TNR: variants seen among roughly 807,000 people sequenced by gnomAD.
TNR encodes the protein tenascin-R.
A neutral mutation model predicts 150.4 loss-of-function variants in TNR; 45 were observed. The ratio of observed to expected loss-of-function variants is 0.30; its 90% confidence interval spans 0.24 to 0.38. The LOEUF is 0.38. Ranked by LOEUF, TNR falls within the 10% of genes least tolerant of loss-of-function variation. TNR has a pLI of 1.00. For missense variants in TNR, 1,544 were observed against 1,759.1 expected (o/e 0.88, Z 2.19); for synonymous variants, 687 against 678.4 (o/e 1.01, Z -0.20).
intron 1 of TNR, among the ~76,000 whole-genome samples, chr1:175,680,975 T>C (rs1243106014): frequency 6.6e-6 from 1 of 152,160 alleles, no homozygotes; most frequent in Non-Finnish European, 1.5e-5. Context: ...TTTCCCCCTG[T>C]GCAAATGGGG....
chr1:175,495,751 T>C (rs531172927), intron 2 of TNR, among the ~76,000 whole-genome samples: 1 of 152,336 alleles, frequency 6.6e-6, no homozygotes, highest in African/African-American at 2.4e-5. Context: ...ACTTGTATAT[T>C]GAGGCAGAGT....
intron 1 of TNR, among the ~76,000 whole-genome samples, chr1:175,534,447 C>A (rs569386419): frequency 6.6e-6 from 1 of 152,230 alleles, no homozygotes; most frequent in African/African-American, 2.4e-5. Flanking sequence ...TTGTATCACA[C>A]CTCCTAGATT....
At chr1:175,668,203 A>G (rs183339400) in intron 1 of TNR, among the ~76,000 whole-genome samples, 26 of 152,316 alleles carry the variant, frequency 1.7e-4, no homozygotes, top group Non-Finnish European at 1.5e-5. Context: ...TACCCAAGAA[A>G]TTTGCTTGAG....
chr1:175,569,011 T>C (rs1571619336), intron 1 of TNR, among the ~76,000 whole-genome samples: 1 of 152,140 alleles, frequency 6.6e-6, no homozygotes, highest in East Asian at 1.9e-4. Context: ...CTACCTTCTA[T>C]GCAGGGACTG....
chr1:175,369,583 A>G (rs1651999909), intron 9 of TNR, among the ~76,000 whole-genome samples: 1 of 152,182 alleles, frequency 6.6e-6, no homozygotes, highest in African/African-American at 2.4e-5. Flanking sequence ...ATGCATTTTG[A>G]GGGGACTGTT....
At chr1:175,563,138 C>A (rs1661498297) in intron 1 of TNR, among the ~76,000 whole-genome samples, 1 of 152,222 alleles carries the variant, frequency 6.6e-6, no homozygotes, top group South Asian at 2.1e-4. Context: ...TGAAATACAT[C>A]TGACATGGTT....
intron 2 of TNR, among the ~76,000 whole-genome samples, chr1:175,447,561 GAA>G (rs975744757): frequency 2.6e-5 from 4 of 152,268 alleles, no homozygotes; most frequent in Admixed American, 1.3e-4. Flanking sequence ...TCAGCAAATT[GAA>G]AAGTCTTGGT....
At position 175,406,601 on chromosome 1, in the gene TNR, T is replaced by C; in HGVS notation, c.114A>G (p.Glu38=). The change falls in exon 3 of 23, where the codon GAA becomes GAG. Residue 38 remains glutamate, a synonymous_variant. Coordinates refer to ENST00000367674, the MANE Select transcript of TNR (RefSeq NM_003285.3). ...PSECQLEVTT[E]RVQRQSVEEE... Reference sequence around the variant, plus strand: ...CCTCCACTGACTGTCTCTGGACCCTTTCTGTGGTGACCTCCAGCTGACACT... The same window carrying C: ...CCTCCACTGACTGTCTCTGGACCCTCTCTGTGGTGACCTCCAGCTGACACT... The C allele has an allele frequency of 6.2e-7, 1 of 1,614,164 alleles. No individual in the cohort carries two copies. The highest frequency in any genetic ancestry group is 8.5e-7 in the Non-Finnish European group (1 of 1,180,030).
intron 2 of TNR, among the ~76,000 whole-genome samples, chr1:175,499,851 CCAGT>C (rs1339696541): frequency 6.6e-6 from 1 of 152,120 alleles, no homozygotes; most frequent in Non-Finnish European, 1.5e-5. Flanking sequence ...GCCTCTCCTC[CCAGT>C]CAATCTACTA....
chr1:175,358,220 C>T (rs1651418711), intron 15 of TNR, among the ~76,000 whole-genome samples: 1 of 152,146 alleles, frequency 6.6e-6, no homozygotes, highest in South Asian at 2.1e-4. Flanking sequence ...CATAGTAATG[C>T]TATCCCTTCT....
intron 1 of TNR, among the ~76,000 whole-genome samples, chr1:175,635,812 G>A (rs1328957430): frequency 6.6e-6 from 1 of 152,158 alleles, no homozygotes; most frequent in Non-Finnish European, 1.5e-5. Flanking sequence ...AGAGAAGAGA[G>A]TTAGCATTAC....
At chr1:175,459,465 T>C (rs891281784) in intron 2 of TNR, among the ~76,000 whole-genome samples, 6 of 152,206 alleles carry the variant, frequency 3.9e-5, no homozygotes, top group African/African-American at 1.2e-4. Context: ...TGCTCTCTAA[T>C]GTGAGGCCAA....
chr1:175,446,191 G>A (rs1347196632), intron 2 of TNR, among the ~76,000 whole-genome samples: 1 of 152,202 alleles, frequency 6.6e-6, no homozygotes, highest in Non-Finnish European at 1.5e-5. Context: ...CACAAACGAA[G>A]TTCTTGGTTT....
chr1:175,663,153 C>T (rs1665427941), intron 1 of TNR, among the ~76,000 whole-genome samples: 1 of 152,156 alleles, frequency 6.6e-6, no homozygotes, highest in Admixed American at 6.5e-5. Context: ...ATCCAGGAGC[C>T]ACAGAGACCT....
chr1:175,403,437 C>G lies in TNR; in HGVS notation c.679G>C (p.Gly227Arg). ...CACCGGAGTTCGGAACAGTCATCCC[C>G]GCTGTACTCGCTGTCACAGATGCAC... Reference protein sequence around the residue: ...GQCICDSEYSGDDCSELRCPT... With the variant: ...GQCICDSEYSRDDCSELRCPT... Residue 227 changes from glycine to arginine, a missense_variant, in exon 4 of 23, where the codon GGG (glycine) becomes CGG (arginine). Coordinates refer to ENST00000367674, the MANE Select transcript of TNR (RefSeq NM_003285.3). 6.2e-7 allele frequency: 1 copy of G among 1,614,204 alleles called. No individual in the cohort carries two copies. Among genetic ancestry groups the G allele is most frequent in the Non-Finnish European group, 8.5e-7 (1 of 1,180,044 alleles).
intron 2 of TNR, among the ~76,000 whole-genome samples, chr1:175,522,498 C>T (rs1014406587): frequency 1.3e-5 from 2 of 152,130 alleles, no homozygotes; most frequent in Admixed American, 6.5e-5. Context: ...CACAAATCAC[C>T]ACTAAAGAAC....
intron 1 of TNR, among the ~76,000 whole-genome samples, chr1:175,553,121 T>C (rs947908464): frequency 1.3e-5 from 2 of 152,194 alleles, no homozygotes; most frequent in East Asian, 3.9e-4. Flanking sequence ...TATTTTAATC[T>C]TTTGATTTAT....
chr1:175,464,753 A>C (rs970244866), intron 2 of TNR, among the ~76,000 whole-genome samples: 4 of 152,216 alleles, frequency 2.6e-5, no homozygotes, highest in African/African-American at 9.6e-5. Flanking sequence ...TGCTCGTTCT[A>C]ATAGATAACA....
In TNR at chr1:175,320,219, G is replaced by A. The variant is rs1023445781; in HGVS notation, c.*3138C>T. 3 of 152,290 alleles carry A rather than the reference G, an allele frequency of 2.0e-5. No homozygotes were observed. Among genetic ancestry groups the A allele is most frequent in the African/African-American group, 7.2e-5 (3 of 41,416 alleles). The allele number at this position is 152,290 out of a possible 1,614,324, so 9.4% of individuals were successfully genotyped here. On this transcript the variant is annotated 3_prime_UTR_variant, in exon 23 of 23. Transcript: ENST00000367674. Reference sequence around the variant, plus strand: ...GTATTGCTTACTGGATCTACCTTTGGGAAATGCAGTTGTGCTTGGAGGAGC... The same window carrying A: ...GTATTGCTTACTGGATCTACCTTTGAGAAATGCAGTTGTGCTTGGAGGAGC...
Sources: gnomAD v4.1 joint callset for allele counts (sites outside exome capture counted in the v4.1 genomes callset) on GRCh38, gnomAD v4.1.1 for gene constraint, MANE v1.5 for transcripts, NCBI Gene and HGNC (gene_info 2026-07-23, HGNC 2026-07-21) for gene names.